Variants in CNTNAP2 observed in about 807,000 individuals in gnomAD.
CNTNAP2 encodes contactin associated protein 2.
A neutral mutation model predicts 155.2 loss-of-function variants in CNTNAP2; 98 were observed. The ratio of observed to expected loss-of-function variants is 0.63; its 90% CI spans 0.54 to 0.75. CNTNAP2 has a LOEUF of 0.75. Among genes scored for constraint, CNTNAP2 ranks in the 30% least tolerant of loss-of-function variants. The pLI, the probability that CNTNAP2 is intolerant of heterozygous loss-of-function variation, is 0.00. For synonymous variants in CNTNAP2, 651 were observed against 631.2 expected (o/e 1.03, Z -0.47); for missense variants, 1,727 against 1,688.1 (o/e 1.02, Z -0.40).
chr7:146,332,741 A>T (rs1202832976), intron 1 of CNTNAP2, among the ~76,000 whole-genome samples: 3 of 152,162 alleles, frequency 2.0e-5, no homozygotes, highest in African/African-American at 7.2e-5. Flanking sequence ...AACAGTAAAT[A>T]TTATTTAACA....
intron 21 of CNTNAP2, among the ~76,000 whole-genome samples, chr7:148,304,986 TG>T (rs1797463129): frequency 6.8e-6 from 1 of 146,462 alleles, no homozygotes; most frequent in Non-Finnish European, 1.5e-5. Context: ...GAGGCACAGG[TG>T]AGGGATTGCT....
At chr7:146,311,200 A>T (rs1427744362) in intron 1 of CNTNAP2, among the ~76,000 whole-genome samples, 1 of 152,206 alleles carries the variant, frequency 6.6e-6, no homozygotes, top group Non-Finnish European at 1.5e-5. Context: ...AATTTTACAA[A>T]TAAACATTTT....
At position 146,470,060 on chromosome 7, in the gene CNTNAP2, C is replaced by T. The variant is rs191181008; in HGVS notation, c.98-304211C>T. On this transcript the variant is annotated intron_variant, in intron 1 of 23. Transcript: ENST00000361727. ...TTCACCGTGTTAGCCAGGATGGTCT[C>T]GATCTCCTGACCTCGTGATCTGCCC... Among the ~76,000 whole-genome samples the T allele has an allele frequency of 1.2e-4, 18 of 150,988 alleles. No individual in the cohort carries two copies. In the East Asian group the frequency reaches 3.6e-3, roughly 30 times the overall value.
At chr7:148,390,265 C>CTGTT (rs1799317008) in intron 22 of CNTNAP2, among the ~76,000 whole-genome samples, 1 of 152,080 alleles carries the variant, frequency 6.6e-6, no homozygotes, top group African/African-American at 2.4e-5. Flanking sequence ...ACTGATCTGC[C>CTGTT]TGTTTGCAAC....
At position 148,048,176 on chromosome 7, in the gene CNTNAP2, G is replaced by A. The variant is rs181252068; in HGVS notation, c.2384-69942G>A. On this transcript the variant is annotated intron_variant, in intron 15 of 23. Coordinates refer to ENST00000361727, the MANE Select transcript of CNTNAP2 (RefSeq NM_014141.6). ...CCTGACCTCGTGATCCGCCCGCCTC[G>A]GCCTCCCAAAGTGCTGGGATTACAG... is the stretch of plus-strand genomic sequence containing the variant. Among the ~76,000 whole-genome samples the A allele has an allele frequency of 3.3e-3, 502 of 151,496 alleles. 1 individual carries two copies. Among genetic ancestry groups the A allele is most frequent in the African/African-American group, 0.011 (450 of 41,250 alleles).
At chr7:148,244,478 T>C (rs985964760) in intron 20 of CNTNAP2, among the ~76,000 whole-genome samples, 1 of 152,116 alleles carries the variant, frequency 6.6e-6, no homozygotes, top group Non-Finnish European at 1.5e-5. Flanking sequence ...GGAAAATATG[T>C]TTTGGATTAT....
intron 9 of CNTNAP2, among the ~76,000 whole-genome samples, chr7:147,379,472 A>G (rs1796496053): frequency 6.6e-6 from 1 of 152,028 alleles, no homozygotes; most frequent in South Asian, 2.1e-4. Flanking sequence ...TCCAGAGTGA[A>G]TCCAGAGAGG....
intron 13 of CNTNAP2, among the ~76,000 whole-genome samples, chr7:147,661,536 C>T (rs74862375): frequency 0.026 from 3,822 of 149,478 alleles, 74 homozygotes; most frequent in Middle Eastern, 0.1. Context: ...CTTTTCTCTG[C>T]TAATTGCTTC....
intron 21 of CNTNAP2, among the ~76,000 whole-genome samples, chr7:148,311,470 T>A (rs1288401476): frequency 6.6e-6 from 1 of 151,400 alleles, no homozygotes; most frequent in Non-Finnish European, 1.5e-5. Flanking sequence ...TAAAAGTGAG[T>A]ATAAAAGTAA....
chr7:147,279,460 T>C (rs1804978766), intron 8 of CNTNAP2, among the ~76,000 whole-genome samples: 1 of 151,846 alleles, frequency 6.6e-6, no homozygotes, highest in African/African-American at 2.4e-5. Flanking sequence ...TTCATGTTTA[T>C]GCCAATAGGA....
chr7:147,900,610 G>GTTTGT lies in CNTNAP2; in HGVS notation c.2099-2936_2099-2932dup, dbSNP rs796203505. ...ATTCTTGGGTTTTGGTGGGTTTTTTGTTTGTTTTGTTTTGTTTTGTTTTTG... is the reference window on the plus strand; with the variant it reads ...ATTCTTGGGTTTTGGTGGGTTTTTTGTTTGTTTTGTTTTGTTTTGTTTTGTTTTTG... On this transcript the variant is annotated intron_variant, in intron 13 of 23. Coordinates refer to ENST00000361727, the MANE Select transcript of CNTNAP2 (RefSeq NM_014141.6). 1.8e-4 allele frequency among the ~76,000 whole-genome samples: 28 copies of GTTTGT among 152,018 alleles called. 1 individual carries two copies. Among genetic ancestry groups the GTTTGT allele is most frequent in the African/African-American group, 5.1e-4 (21 of 41,476 alleles).
intron 13 of CNTNAP2, among the ~76,000 whole-genome samples, chr7:147,691,636 T>C (rs1796088620): frequency 6.6e-6 from 1 of 152,132 alleles, no homozygotes; most frequent in Non-Finnish European, 1.5e-5. Context: ...TAGATACTAG[T>C]AAAGTGTAGT....
chr7:148,079,941 G>A (rs1181011405), intron 15 of CNTNAP2, among the ~76,000 whole-genome samples: 5 of 152,174 alleles, frequency 3.3e-5, no homozygotes, highest in African/African-American at 1.2e-4. Flanking sequence ...AGATGGCTGT[G>A]GGGCTTAAAA....
chr7:147,671,913 A>T (rs1563047544), intron 13 of CNTNAP2: 1 of 152,200 alleles, frequency 6.6e-6, no homozygotes, highest in Non-Finnish European at 1.5e-5. Flanking sequence ...TATTGTGAAG[A>T]TACTATCAAA....
chr7:147,540,472 G>A (rs954566139), intron 11 of CNTNAP2, among the ~76,000 whole-genome samples: 2 of 152,134 alleles, frequency 1.3e-5, no homozygotes, highest in African/African-American at 2.4e-5. Flanking sequence ...ACCTATGACA[G>A]ATATAAAGAG....
At chr7:146,909,976 G>C (rs1485987744) in intron 3 of CNTNAP2, among the ~76,000 whole-genome samples, 1 of 58,452 alleles carries the variant, frequency 1.7e-5, no homozygotes, top group East Asian at 3.1e-4. Context: ...CAAAATCAAT[G>C]TACAAAAATC....
rs867768148 is a variant in CNTNAP2 at position 147,108,296 on chromosome 7, G to T, written c.700G>T (p.Asp234Tyr). ...CCTGCACGGAGAAGGACAGCAAGGAGATTACATTACCTTGGAACTGAAAAA... is the reference window on the plus strand; with the variant it reads ...CCTGCACGGAGAAGGACAGCAAGGATATTACATTACCTTGGAACTGAAAAA... ...VILHGEGQQG[D>Y]YITLELKKAK... The change falls in exon 5 of 24, where the codon GAT becomes TAT. Residue 234 changes from aspartate to tyrosine, a missense_variant. Coordinates refer to ENST00000361727, the MANE Select transcript of CNTNAP2 (RefSeq NM_014141.6). 2.5e-6 allele frequency: 4 copies of T among 1,613,630 alleles called. No homozygotes were observed. The Admixed American group carries it at 6.7e-5, about 27-fold the overall frequency.
chr7:147,327,917 C>T (rs1467954328), intron 9 of CNTNAP2, among the ~76,000 whole-genome samples: 1 of 151,996 alleles, frequency 6.6e-6, no homozygotes, highest in Non-Finnish European at 1.5e-5. Flanking sequence ...CCACCAATAC[C>T]TTAGCAGGAA....
At chr7:147,518,828 C>G (rs1799178332) in intron 11 of CNTNAP2, among the ~76,000 whole-genome samples, 1 of 151,944 alleles carries the variant, frequency 6.6e-6, no homozygotes, top group Non-Finnish European at 1.5e-5. Flanking sequence ...GTCAGGAGTT[C>G]TAGACCAGCC....
Sources: gnomAD v4.1 joint callset for allele counts (sites outside exome capture counted in the v4.1 genomes callset) on GRCh38, gnomAD v4.1.1 for gene constraint, MANE v1.5 for transcripts, NCBI Gene and HGNC (gene_info 2026-07-23, HGNC 2026-07-21) for gene names.